The following CDH12 variants were observed in gnomAD, a reference collection of about 807,000 sequenced individuals.
CDH12 encodes cadherin-12.
A neutral mutation model predicts 74.1 loss-of-function variants in CDH12; 41 were observed. The observed-to-expected ratio is 0.55, with a 90% CI of 0.43 to 0.72. CDH12 has a LOEUF of 0.72. Among genes scored for constraint, CDH12 ranks in the 30% least tolerant of loss-of-function variants. CDH12 has a pLI of 0.00. For synonymous variants in CDH12, 399 were observed against 355.0 expected (o/e 1.12, Z -1.39); for missense variants, 945 against 977.2 (o/e 0.97, Z 0.44).
chr5:22,714,619 A>T, intron 1 of CDH12, among the ~76,000 whole-genome samples: 1 of 152,228 alleles, frequency 6.6e-6, no homozygotes. Context: ...AACTGGGATA[A>T]TTCATAAATA....
chr5:22,276,738 G>C (rs1056973905), intron 3 of CDH12, among the ~76,000 whole-genome samples: 2 of 152,206 alleles, frequency 1.3e-5, no homozygotes, highest in East Asian at 3.9e-4. Flanking sequence ...CCAGGCTGGA[G>C]CGCAGTGGCG....
chr5:22,649,218 T>C (rs1739600103), intron 1 of CDH12, among the ~76,000 whole-genome samples: 1 of 152,016 alleles, frequency 6.6e-6, no homozygotes, highest in African/African-American at 2.4e-5. Context: ...TCTGCCAGGC[T>C]TGTGAATACA....
intron 3 of CDH12, among the ~76,000 whole-genome samples, chr5:22,347,645 C>T (rs951911726): frequency 2.6e-5 from 4 of 152,152 alleles, no homozygotes; most frequent in African/African-American, 7.2e-5. Context: ...TTCTGTCCCT[C>T]TAAAGAATCC....
At chr5:21,899,432 C>G (rs1753281448) in intron 6 of CDH12, among the ~76,000 whole-genome samples, 1 of 152,038 alleles carries the variant, frequency 6.6e-6, no homozygotes, top group South Asian at 2.1e-4. Context: ...AAATCAAGAC[C>G]CTAGTTGAGG....
intron 5 of CDH12, among the ~76,000 whole-genome samples, chr5:22,027,805 T>A (rs1738480174): frequency 6.6e-6 from 1 of 152,180 alleles, no homozygotes; most frequent in Non-Finnish European, 1.5e-5. Context: ...TTTTTGTGTC[T>A]CTATTTCCTT....
chr5:22,717,880 G>A (rs1214014529), intron 1 of CDH12, among the ~76,000 whole-genome samples: 1 of 151,966 alleles, frequency 6.6e-6, no homozygotes, highest in Non-Finnish European at 1.5e-5. Flanking sequence ...CTTGTGTCCT[G>A]ATCTTGCCTA....
intron 5 of CDH12, among the ~76,000 whole-genome samples, chr5:22,076,933 C>T (rs1191081343): frequency 3.3e-5 from 5 of 152,048 alleles, no homozygotes; most frequent in Non-Finnish European, 7.4e-5. Context: ...TTCATAAGTG[C>T]CCTGTGGATC....
At chr5:22,008,079 C>T (rs540866388) in intron 5 of CDH12, among the ~76,000 whole-genome samples, 88 of 151,740 alleles carry the variant, frequency 5.8e-4, no homozygotes, top group African/African-American at 2.1e-3. Context: ...CTGCTTTCCT[C>T]GCTGCTGTTA....
chr5:22,269,939 C>T (rs1231634346), intron 3 of CDH12, among the ~76,000 whole-genome samples: 1 of 152,094 alleles, frequency 6.6e-6, no homozygotes, highest in Non-Finnish European at 1.5e-5. Flanking sequence ...TGGAGGGATA[C>T]TTCAAATTAT....
intron 3 of CDH12, among the ~76,000 whole-genome samples, chr5:22,264,909 A>C (rs867453382): frequency 6.6e-5 from 10 of 152,130 alleles, no homozygotes; most frequent in Non-Finnish European, 1.3e-4. Context: ...GTCACCCCAA[A>C]TTGTTTATGG....
intron 1 of CDH12, among the ~76,000 whole-genome samples, chr5:22,827,811 A>C (rs1736411133): frequency 6.6e-6 from 1 of 152,212 alleles, no homozygotes; most frequent in South Asian, 2.1e-4. Context: ...AACTGCCTTT[A>C]AAGCAGGAAT....
chr5:21,988,222 C>G (rs1370896917), intron 5 of CDH12, among the ~76,000 whole-genome samples: 1 of 151,934 alleles, frequency 6.6e-6, no homozygotes, highest in Non-Finnish European at 1.5e-5. Context: ...CCTGGCGTTG[C>G]GGCTCATGTC....
intron 1 of CDH12, among the ~76,000 whole-genome samples, chr5:22,850,102 T>C (rs945067139): frequency 4.6e-5 from 7 of 152,124 alleles, no homozygotes; most frequent in African/African-American, 1.7e-4. Context: ...TAACATTATG[T>C]AGAGTTCATC....
At chr5:22,463,853 C>T (rs2126590816) in intron 2 of CDH12, among the ~76,000 whole-genome samples, 1 of 152,020 alleles carries the variant, frequency 6.6e-6, no homozygotes, top group African/African-American at 2.4e-5. Context: ...GAATGCTTAC[C>T]CTTTAGAAAA....
intron 5 of CDH12, among the ~76,000 whole-genome samples, chr5:21,989,184 G>A (rs987264650): frequency 1.3e-5 from 2 of 152,144 alleles, no homozygotes; most frequent in African/African-American, 2.4e-5. Context: ...AATAAGAATT[G>A]TATAAGAATA....
At chr5:22,835,478 G>T (rs945473700) in intron 1 of CDH12, among the ~76,000 whole-genome samples, 1 of 152,082 alleles carries the variant, frequency 6.6e-6, no homozygotes, top group African/African-American at 2.4e-5. Context: ...GTAAAAAATA[G>T]AAGTAAATAT....
chr5:22,673,101 T>C (rs1580873470), intron 1 of CDH12, among the ~76,000 whole-genome samples: 1 of 152,152 alleles, frequency 6.6e-6, no homozygotes, highest in Non-Finnish European at 1.5e-5. Flanking sequence ...CCAACTCTTA[T>C]TGTGATACCT....
chr5:21,886,777 G>C (rs1218261915), intron 6 of CDH12, among the ~76,000 whole-genome samples: 1 of 151,550 alleles, frequency 6.6e-6, no homozygotes, highest in African/African-American at 2.4e-5. Context: ...GGGGGAAGTG[G>C]TTTAGGTATT....
At chr5:21,954,634 C>A (rs1756011908) in intron 6 of CDH12, among the ~76,000 whole-genome samples, 1 of 152,020 alleles carries the variant, frequency 6.6e-6, no homozygotes, top group Non-Finnish European at 1.5e-5. Flanking sequence ...ATAATCAGAG[C>A]ATCTGCCTAC....
Sources: gnomAD v4.1 joint callset for allele counts (sites outside exome capture counted in the v4.1 genomes callset) on GRCh38, gnomAD v4.1.1 for gene constraint, MANE v1.5 for transcripts, NCBI Gene and HGNC (gene_info 2026-07-23, HGNC 2026-07-21) for gene names.